LRP1B: variants seen among roughly 807,000 people sequenced by gnomAD.
LRP1B encodes LDL receptor related protein 1B.
Under a neutral mutation model 556.6 loss-of-function variants are expected in LRP1B, and 217 were observed. That is an observed-to-expected ratio of 0.39 (90% CI 0.35 to 0.44). The LOEUF is 0.44. Among genes scored for constraint, LRP1B ranks in the 20% least tolerant of loss-of-function variants. The probability of loss-of-function intolerance (pLI) is 1.00; values close to 1 mark genes in which losing one functional copy is unlikely to be tolerated. For synonymous variants in LRP1B, 2,047 were observed against 1,865.8 expected (o/e 1.10, Z -2.50); for missense variants, 5,053 against 5,620.8 (o/e 0.90, Z 3.23).
intron 2 of LRP1B, among the ~76,000 whole-genome samples, chr2:141,808,032 C>A (rs1275576341): frequency 2.6e-5 from 4 of 152,022 alleles, no homozygotes; most frequent in Non-Finnish European, 5.9e-5. Context: ...ACTAGTGCCC[C>A]ATTTAGACAC....
chr2:141,459,212 G>C (rs190031876), intron 3 of LRP1B, among the ~76,000 whole-genome samples: 238 of 152,230 alleles, frequency 1.6e-3, no homozygotes, highest in Non-Finnish European at 2.6e-3. Flanking sequence ...CTTCAACTTA[G>C]GCTATAGAGG....
chr2:140,770,055 T>A (rs1388242138), intron 34 of LRP1B, among the ~76,000 whole-genome samples: 5 of 151,844 alleles, frequency 3.3e-5, no homozygotes, highest in African/African-American at 1.2e-4. Context: ...AAAACTAGAA[T>A]GCCTAGAATT....
intron 7 of LRP1B, among the ~76,000 whole-genome samples, chr2:141,122,553 C>T (rs566209425): frequency 0.022 from 3,315 of 152,082 alleles, 54 homozygotes; most frequent in Non-Finnish European, 0.032. Flanking sequence ...CAATGAGATA[C>T]CATCTCACAC....
chr2:141,949,641 G>A (rs1174226769), intron 1 of LRP1B, among the ~76,000 whole-genome samples: 1 of 152,106 alleles, frequency 6.6e-6, no homozygotes, highest in East Asian at 1.9e-4. Context: ...ACCCGCCTTG[G>A]CCTCCCAAAG....
chr2:141,539,176 T>C (rs1685164372), intron 2 of LRP1B, among the ~76,000 whole-genome samples: 1 of 151,208 alleles, frequency 6.6e-6, no homozygotes, highest in Non-Finnish European at 1.5e-5. Flanking sequence ...AGGAATTTGG[T>C]GTACAGAAAT....
intron 1 of LRP1B, among the ~76,000 whole-genome samples, chr2:142,094,442 G>A (rs1207661067): frequency 6.6e-6 from 1 of 151,992 alleles, no homozygotes; most frequent in Non-Finnish European, 1.5e-5. Flanking sequence ...TCATGCAGTT[G>A]TAAAATACTT....
intron 55 of LRP1B, among the ~76,000 whole-genome samples, chr2:140,499,422 A>C (rs1383160586): frequency 6.6e-6 from 1 of 151,660 alleles, no homozygotes; most frequent in Non-Finnish European, 1.5e-5. Context: ...CACATAGAAC[A>C]AACACACACA....
At chr2:140,652,392 C>T (rs1188261303) in intron 41 of LRP1B, among the ~76,000 whole-genome samples, 1 of 151,312 alleles carries the variant, frequency 6.6e-6, no homozygotes, top group Non-Finnish European at 1.5e-5. Flanking sequence ...TTGACTCTAC[C>T]TAACTAATGA....
At chr2:140,819,097 C>CT (rs1342150618) in intron 31 of LRP1B, among the ~76,000 whole-genome samples, 2 of 152,152 alleles carry the variant, frequency 1.3e-5, no homozygotes, top group East Asian at 3.8e-4. Context: ...GCCCTTGCTG[C>CT]TCCACCATTG....
At chr2:140,310,050 A>C (rs1004265541) in intron 83 of LRP1B, among the ~76,000 whole-genome samples, 1 of 151,822 alleles carries the variant, frequency 6.6e-6, no homozygotes, top group Non-Finnish European at 1.5e-5. Flanking sequence ...CAAAGTTTGC[A>C]TCATCAACAT....
intron 20 of LRP1B, among the ~76,000 whole-genome samples, chr2:140,946,129 T>C (rs954924825): frequency 2.0e-5 from 3 of 152,054 alleles, no homozygotes; most frequent in South Asian, 4.1e-4. Context: ...ATCAGAGAAA[T>C]GCAAATCAAA....
At chr2:141,267,838 T>C (rs903066900) in intron 3 of LRP1B, among the ~76,000 whole-genome samples, 4 of 152,144 alleles carry the variant, frequency 2.6e-5, no homozygotes, top group Non-Finnish European at 5.9e-5. Flanking sequence ...GTGAGAGGAA[T>C]ATAATAGGAT....
chr2:140,582,242 A>G (rs1681796824), intron 43 of LRP1B, among the ~76,000 whole-genome samples: 1 of 152,192 alleles, frequency 6.6e-6, no homozygotes, highest in African/African-American at 2.4e-5. Context: ...TGAAGCTTTG[A>G]AAAATGAGAC....
intron 60 of LRP1B, among the ~76,000 whole-genome samples, chr2:140,458,183 G>A (rs1687180612): frequency 1.3e-5 from 2 of 152,080 alleles, no homozygotes; most frequent in South Asian, 2.1e-4. Context: ...AACCTTTTCA[G>A]CCACTGAGAT....
At chr2:140,871,722 C>T (rs1693135148) in intron 25 of LRP1B, among the ~76,000 whole-genome samples, 1 of 152,080 alleles carries the variant, frequency 6.6e-6, no homozygotes, top group African/African-American at 2.4e-5. Flanking sequence ...ATTTTGCCAG[C>T]CAGGCCAAAC....
chr2:141,902,943 GCTAA>G (rs1325031427), intron 1 of LRP1B, among the ~76,000 whole-genome samples: 5 of 151,812 alleles, frequency 3.3e-5, no homozygotes, highest in African/African-American at 7.2e-5. Flanking sequence ...TAAAAAGTAG[GCTAA>G]CTTTTAGCCA....
At chr2:141,091,083 T>C (rs2104910135) in intron 7 of LRP1B, among the ~76,000 whole-genome samples, 1 of 152,298 alleles carries the variant, frequency 6.6e-6, no homozygotes, top group South Asian at 2.1e-4. Flanking sequence ...CAATTATCAT[T>C]TTCTTCTCAA....
chr2:141,794,499 A>T (rs1000571174), intron 2 of LRP1B, among the ~76,000 whole-genome samples: 1 of 151,974 alleles, frequency 6.6e-6, no homozygotes, highest in Non-Finnish European at 1.5e-5. Flanking sequence ...CTCTTCAGGT[A>T]TGAGTTTCTA....
intron 21 of LRP1B, among the ~76,000 whole-genome samples, chr2:140,912,358 C>A (rs1694444386): frequency 6.6e-6 from 1 of 151,590 alleles, no homozygotes; most frequent in African/African-American, 2.4e-5. Context: ...ACAAATATCA[C>A]AGATTTCTTT....
Sources: gnomAD v4.1 joint callset for allele counts (sites outside exome capture counted in the v4.1 genomes callset) on GRCh38, gnomAD v4.1.1 for gene constraint, MANE v1.5 for transcripts, NCBI Gene and HGNC (gene_info 2026-07-23, HGNC 2026-07-21) for gene names.